The following R3HCC1L variants were observed in gnomAD, a reference collection of about 807,000 sequenced individuals.
R3HCC1L encodes R3H domain and coiled-coil containing 1 like.
A neutral mutation model predicts 59.9 loss-of-function variants in R3HCC1L; 51 were observed. The ratio of observed to expected loss-of-function variants is 0.85; its 90% CI spans 0.68 to 1.07. R3HCC1L has a LOEUF of 1.07. Ranked by LOEUF, R3HCC1L falls within the 50% of genes least tolerant of loss-of-function variation. R3HCC1L has a pLI of 0.00. For missense variants in R3HCC1L, 965 were observed against 933.0 expected, an observed-to-expected ratio of 1.03 and a Z score of -0.45; for synonymous variants, 322 against 315.2, an observed-to-expected ratio of 1.02 and a Z score of -0.23.
At chr10:98,202,099 G>A (rs1327606079) in intron 4 of R3HCC1L, among the ~76,000 whole-genome samples, 1 of 152,014 alleles carries the variant, frequency 6.6e-6, no homozygotes, top group Non-Finnish European at 1.5e-5. Context: ...GAATCTTAGC[G>A]TCTCTAGTGA....
chr10:98,175,438 A>T (rs1848913916), intron 4 of R3HCC1L, among the ~76,000 whole-genome samples: 1 of 152,142 alleles, frequency 6.6e-6, no homozygotes, highest in Non-Finnish European at 1.5e-5. Context: ...AGTTCCATCC[A>T]TCCAAAAAAT....
intron 4 of R3HCC1L, among the ~76,000 whole-genome samples, chr10:98,173,070 C>A (rs1848669067): frequency 6.6e-6 from 1 of 152,046 alleles, no homozygotes. Flanking sequence ...TGTTAGGTTG[C>A]AGAAATGGAA....
At chr10:98,221,920 G>T (rs550983503) in intron 5 of R3HCC1L, among the ~76,000 whole-genome samples, 7 of 152,092 alleles carry the variant, frequency 4.6e-5, no homozygotes, top group Admixed American at 1.3e-4. Flanking sequence ...GTGAAGAAAG[G>T]CATTAGTAGC....
intron 5 of R3HCC1L, among the ~76,000 whole-genome samples, chr10:98,220,071 A>G (rs1457119036): frequency 1.3e-5 from 2 of 151,906 alleles, no homozygotes; most frequent in Non-Finnish European, 2.9e-5. Flanking sequence ...TATTCTGTTT[A>G]TTTATTTTCT....
chr10:98,171,015 G>C (rs1848458797), intron 4 of R3HCC1L, among the ~76,000 whole-genome samples: 1 of 152,168 alleles, frequency 6.6e-6, no homozygotes, highest in Non-Finnish European at 1.5e-5. Context: ...TAGTATATAG[G>C]TCACCACACT....
At chr10:98,143,093 G>T (rs1191294354) in intron 1 of R3HCC1L, among the ~76,000 whole-genome samples, 9 of 152,086 alleles carry the variant, frequency 5.9e-5, no homozygotes, top group Admixed American at 5.9e-4. Flanking sequence ...TCTGAATCTT[G>T]TCTGGTCCCA....
intron 4 of R3HCC1L, among the ~76,000 whole-genome samples, chr10:98,175,832 ATGT>A (rs1220567577): frequency 6.6e-6 from 1 of 152,088 alleles, no homozygotes; most frequent in Non-Finnish European, 1.5e-5. Context: ...CATGCTTTTG[ATGT>A]TGTATCTAAG....
intron 1 of R3HCC1L, among the ~76,000 whole-genome samples, chr10:98,152,180 C>G (rs970342158): frequency 3.3e-5 from 5 of 152,362 alleles, no homozygotes; most frequent in African/African-American, 7.2e-5. Flanking sequence ...GTCTCCAGCT[C>G]CTAACCGCGA....
intron 5 of R3HCC1L, among the ~76,000 whole-genome samples, chr10:98,228,953 T>G (rs1242593042): frequency 1.3e-5 from 2 of 152,216 alleles, no homozygotes; most frequent in African/African-American, 4.8e-5. Context: ...ATCTCTGTTT[T>G]GGTACCAGTA....
At chr10:98,147,925 G>T (rs945293445) in intron 1 of R3HCC1L, among the ~76,000 whole-genome samples, 15 of 151,876 alleles carry the variant, frequency 9.9e-5, no homozygotes, top group Non-Finnish European at 1.6e-4. Flanking sequence ...TTTTTTGATT[G>T]TTTTTCTGTT....
intron 2 of R3HCC1L, among the ~76,000 whole-genome samples, chr10:98,161,382 AGTT>A (rs1564631345): frequency 6.6e-6 from 1 of 151,760 alleles, no homozygotes; most frequent in Non-Finnish European, 1.5e-5. Context: ...CCCCTTTCTC[AGTT>A]GTTAGGAGTT....
In R3HCC1L at chr10:98,236,141, T is replaced by C. The variant is rs750929970; in HGVS notation, c.2246T>C (p.Leu749Pro). The C allele has an allele frequency of 6.2e-7, 1 of 1,613,762 alleles. No individual in the cohort carries two copies. The highest frequency in any genetic ancestry group is 1.1e-5 in the South Asian group (1 of 91,068). Residue 749 changes from leucine (L) to proline (P), a missense_variant, in exon 9 of 10, where the codon CTC becomes CCC. By Grantham distance (98) the Leu-to-Pro change is moderately conservative. Transcript: ENST00000298999. The part of the protein sequence containing the change: ...KQSKTEREAE[L>P]KKLQEARERK... ...AGCAAAACCGAACGAGAAGCAGAGC[T>C]CAAGAAACTGCAAGAAGCCAGAGGT...
At chr10:98,138,389 G>A (rs1389320539) in intron 1 of R3HCC1L, among the ~76,000 whole-genome samples, 3 of 151,828 alleles carry the variant, frequency 2.0e-5, no homozygotes, top group Non-Finnish European at 4.4e-5. Flanking sequence ...TTTCCTTTAT[G>A]TTTTAATCTT....
At chr10:98,154,099 A>C (rs750341106) in intron 1 of R3HCC1L, among the ~76,000 whole-genome samples, 5 of 150,726 alleles carry the variant, frequency 3.3e-5, no homozygotes, top group Non-Finnish European at 7.4e-5. Flanking sequence ...CACATTTTGG[A>C]ATGTTTGCAT....
intron 1 of R3HCC1L, among the ~76,000 whole-genome samples, chr10:98,136,495 C>T (rs549633919): frequency 1.7e-4 from 26 of 152,180 alleles, no homozygotes; most frequent in African/African-American, 5.8e-4. Context: ...TCATATATAC[C>T]TTATATACAT....
At chr10:98,230,628 G>A (rs1157472642) in intron 5 of R3HCC1L, among the ~76,000 whole-genome samples, 2 of 152,094 alleles carry the variant, frequency 1.3e-5, no homozygotes, top group Non-Finnish European at 2.9e-5. Flanking sequence ...GCTTTTGAAT[G>A]TGTTTGTTCT....
intron 5 of R3HCC1L, among the ~76,000 whole-genome samples, chr10:98,226,302 A>G (rs1268537233): frequency 1.3e-5 from 2 of 152,258 alleles, no homozygotes; most frequent in Non-Finnish European, 2.9e-5. Context: ...AAATGAAGAA[A>G]ACAATTTTAC....
intron 1 of R3HCC1L, among the ~76,000 whole-genome samples, chr10:98,137,513 T>A (rs1056866185): frequency 1.3e-5 from 2 of 152,256 alleles, no homozygotes; most frequent in Non-Finnish European, 2.9e-5. Flanking sequence ...TCCATTTATC[T>A]GTAAAATGAG....
chr10:98,244,344 C>T lies in R3HCC1L; in HGVS notation c.*186C>T, dbSNP rs540876839. 3.7e-5 allele frequency: 20 copies of T among 536,852 alleles called. No individual in the cohort carries two copies. The highest frequency in any genetic ancestry group is 3.6e-4 in the South Asian group (16 of 44,780). The allele number at this position is 536,852 out of a possible 1,614,324, so 33.3% of individuals were successfully genotyped here. ...CCTGTCTTCACTCCTAAATGCAGTT[C>T]TTTGGAATCACCCTACTGTGGTGGG... On this transcript the variant is annotated 3_prime_UTR_variant, in exon 10 of 10. Coordinates refer to ENST00000298999, the MANE Select transcript of R3HCC1L (RefSeq NM_001351015.2).
Sources: allele counts gnomAD v4.1 joint callset (sites outside exome capture counted in the v4.1 genomes callset), GRCh38; gene constraint gnomAD v4.1.1; transcripts MANE v1.5; gene names NCBI Gene and HGNC (gene_info 2026-07-23, HGNC 2026-07-21).